NFX1: variants seen among roughly 807,000 people sequenced by gnomAD.
NFX1 encodes transcriptional repressor NF-X1.
In NFX1, 69 loss-of-function variants were observed where a neutral mutation model predicts 137.2. The ratio of observed to expected loss-of-function variants is 0.50; its 90% CI spans 0.41 to 0.61. The LOEUF is 0.61. Among genes scored for constraint, NFX1 ranks in the 20% least tolerant of loss-of-function variants. The pLI, the probability that NFX1 is intolerant of heterozygous loss-of-function variation, is 0.00. For missense variants in NFX1, 1,167 were observed against 1,391.0 expected (o/e 0.84, Z 2.56); for synonymous variants, 495 against 474.1 (o/e 1.04, Z -0.57).
chr9:33,319,058 A>C lies in NFX1; in HGVS notation c.1837A>C (p.Lys613Gln). 16 of 1,614,244 alleles carry C rather than the reference A, an allele frequency of 9.9e-6. No individual in the cohort carries two copies. Among genetic ancestry groups the C allele is most frequent in the Non-Finnish European group, 1.3e-5 (15 of 1,180,044 alleles). ...QLLELGSSSRKTCMDPVPSCG... is the reference protein window; with the variant it reads ...QLLELGSSSRQTCMDPVPSCG... ...GCTAGAACTTGGAAGTAGTAGTCGG[A>C]AAACATGCATGGACCCTGTGCCTTC... is the stretch of plus-strand genomic sequence containing the variant. Residue 613 changes from lysine (K) to glutamine (Q), a missense_variant, in exon 9 of 24, where the codon AAA (lysine) becomes CAA (glutamine). Physicochemically the swap from Lys to Gln is moderately conservative, Grantham distance 53 (BLOSUM62 1). This residue lies in a region of NFX1 where 488 missense variants were observed against 691.5 expected (regional missense o/e 0.71). Coordinates refer to ENST00000379540, the MANE Select transcript of NFX1 (RefSeq NM_002504.6).
intron 19 of NFX1, among the ~76,000 whole-genome samples, chr9:33,361,538 C>T (rs1284125982): frequency 2.6e-5 from 4 of 151,856 alleles, no homozygotes; most frequent in African/African-American, 4.8e-5. Context: ...TTTGGGAGGT[C>T]GAGGCGGGTG....
intron 21 of NFX1, chr9:33,365,795 A>G (rs1244087204): frequency 1.3e-5 from 2 of 152,228 alleles, no homozygotes; most frequent in African/African-American, 4.8e-5. Context: ...ACTGTTCTTT[A>G]TAATTCCAAA....
At chr9:33,340,104 C>T (rs1202641422) in intron 12 of NFX1, among the ~76,000 whole-genome samples, 1 of 152,222 alleles carries the variant, frequency 6.6e-6, no homozygotes, top group Non-Finnish European at 1.5e-5. Flanking sequence ...CTAGTAGGGA[C>T]TCCGTGTGGG....
At chr9:33,291,102 G>A (rs1327791217) in intron 1 of NFX1, among the ~76,000 whole-genome samples, 1 of 152,158 alleles carries the variant, frequency 6.6e-6, no homozygotes, top group African/African-American at 2.4e-5. Flanking sequence ...GTTAATTCCT[G>A]TGATGGCTCC....
chr9:33,319,193 T>C, intron 9 of NFX1, 66 bp downstream of exon 9: 3 of 1,367,554 alleles, frequency 2.2e-6, no homozygotes, highest in Non-Finnish European at 3.1e-6. Context: ...AGTGAGTGTT[T>C]AAGCAATGTA....
chr9:33,346,803 T>C (rs1823436641), intron 14 of NFX1, among the ~76,000 whole-genome samples: 1 of 152,228 alleles, frequency 6.6e-6, no homozygotes, highest in East Asian at 1.9e-4. Context: ...CCTCATCTGC[T>C]TCTGTTTTGG....
At chr9:33,335,721 C>G (rs1279105128) in intron 11 of NFX1, among the ~76,000 whole-genome samples, 1 of 152,124 alleles carries the variant, frequency 6.6e-6, no homozygotes. Context: ...CAGTCCTCCC[C>G]CAGGTAACCA....
chr9:33,324,793 G>A (rs1040081811), intron 9 of NFX1, among the ~76,000 whole-genome samples: 1 of 151,950 alleles, frequency 6.6e-6, no homozygotes, highest in African/African-American at 2.4e-5. Flanking sequence ...GCCAGGTGTG[G>A]TGGCGGGCAC....
chr9:33,296,518 A>G (rs1251105694), intron 2 of NFX1, among the ~76,000 whole-genome samples: 3 of 152,226 alleles, frequency 2.0e-5, no homozygotes, highest in African/African-American at 7.2e-5. Flanking sequence ...ACTTGAACAC[A>G]GGTGTTCAAG....
chr9:33,348,939 C>T (rs1404839720), intron 15 of NFX1, among the ~76,000 whole-genome samples: 1 of 152,030 alleles, frequency 6.6e-6, no homozygotes, highest in Non-Finnish European at 1.5e-5. Flanking sequence ...TATTGGCCAA[C>T]ATTTCATGAA....
Position 33,338,480 on chromosome 9 carries a change from T to G in NFX1, c.2036-30T>G, listed in dbSNP as rs779557457. ...TGAATGTTCATATCCTTTGTCTGGTTTTTTTTTTCTTTTTAATTTGCCACA... is the reference window on the plus strand; with the variant it reads ...TGAATGTTCATATCCTTTGTCTGGTGTTTTTTTTCTTTTTAATTTGCCACA... On this transcript the variant is annotated intron_variant, in intron 11 of 23. Coordinates refer to ENST00000379540, the MANE Select transcript of NFX1 (RefSeq NM_002504.6). 5 of 1,597,498 alleles carry G rather than the reference T, an allele frequency of 3.1e-6. No homozygotes were observed. In the Admixed American group the frequency reaches 5.1e-5, roughly 16 times the overall value.
intron 10 of NFX1, among the ~76,000 whole-genome samples, chr9:33,331,982 G>T (rs545517481): frequency 6.6e-6 from 1 of 152,270 alleles, no homozygotes; most frequent in African/African-American, 2.4e-5. Context: ...CAAAGATCCT[G>T]CTTTATTTCA....
At chr9:33,309,646 G>A (rs956163924) in intron 5 of NFX1, among the ~76,000 whole-genome samples, 72 of 152,160 alleles carry the variant, frequency 4.7e-4, no homozygotes, top group African/African-American at 1.5e-3. Flanking sequence ...AAAAGTGACA[G>A]AGACAGGGTC....
At chr9:33,354,210 G>A (rs748248803) in intron 18 of NFX1, 23 bp downstream of exon 18, 3 of 1,571,144 alleles carry the variant, frequency 1.9e-6, no homozygotes, top group South Asian at 1.1e-5. Context: ...ATGCATATAT[G>A]TGCCTTCTTT....
chr9:33,353,683 C>CTTTTTTT (rs111306917), intron 17 of NFX1, among the ~76,000 whole-genome samples: 6 of 110,086 alleles, frequency 5.5e-5, no homozygotes, highest in Admixed American at 9.8e-5. Context: ...GATAGATTTG[C>CTTTTTTT]TTTTTTTTTT....
At position 33,332,852 on chromosome 9, in the gene NFX1, C is replaced by G. The variant is rs28536141; in HGVS notation, c.2035+350C>G. 6.5e-3 allele frequency among the ~76,000 whole-genome samples: 981 copies of G among 152,054 alleles called. 7 individuals are homozygous for G. Among genetic ancestry groups the G allele is most frequent in the African/African-American group, 0.022 (932 of 41,536 alleles). ...CTGTAAAATACTTTGAACTTTTTTT[C>G]TTTTTCCTTTTGAGACGGAGTCTCG... On this transcript the variant is annotated intron_variant, in intron 11 of 23. Coordinates refer to ENST00000379540, the MANE Select transcript of NFX1 (RefSeq NM_002504.6).
At chr9:33,344,954 G>A (rs922599311) in intron 14 of NFX1, among the ~76,000 whole-genome samples, 1 of 151,836 alleles carries the variant, frequency 6.6e-6, no homozygotes, top group Non-Finnish European at 1.5e-5. Flanking sequence ...TTGAGGTCAG[G>A]AGTTCGAGAC....
In NFX1 at chr9:33,324,681, A is replaced by G. The variant is rs150428184; in HGVS notation, c.1907-3900A>G. Among the ~76,000 whole-genome samples the G allele has an allele frequency of 4.1e-4, 62 of 152,232 alleles. 1 individual carries two copies. Among genetic ancestry groups the G allele is most frequent in the African/African-American group, 1.4e-3 (60 of 41,550 alleles). The stretch of plus-strand genomic sequence containing the variant: ...AGTGGCTCATGCCTGTAATCCCAGC[A>G]TTTTGGGAGGCTGAGGCAGGCGAAT... On this transcript the variant is annotated intron_variant, in intron 9 of 23. Coordinates refer to ENST00000379540, the MANE Select transcript of NFX1 (RefSeq NM_002504.6).
Position 33,311,843 on chromosome 9 carries a change from G to A in NFX1, c.1448+666G>A, listed in dbSNP as rs1002924579. On this transcript the variant is annotated intron_variant, in intron 6 of 23. Transcript: ENST00000379540. ...TGGGATTACAGGCATGAGCTACCGC[G>A]CTCGGTCGGCAAGGATTTTTTTTTT... Among the ~76,000 whole-genome samples the A allele has an allele frequency of 2.6e-5, 4 of 152,230 alleles. 1 individual carries two copies. Among genetic ancestry groups the A allele is most frequent in the Admixed American group, 2.0e-4 (3 of 15,286 alleles).
Sources: allele counts gnomAD v4.1 joint callset (sites outside exome capture counted in the v4.1 genomes callset), GRCh38; gene constraint gnomAD v4.1.1; regional missense constraint gnomAD v4.1.1; transcripts MANE v1.5; gene names NCBI Gene and HGNC (gene_info 2026-07-23, HGNC 2026-07-21).